Variants in DNER observed in about 807,000 individuals in gnomAD.
DNER encodes the protein delta/notch like EGF repeat containing, also known as delta and Notch-like epidermal growth factor-related receptor.
In DNER, 33 loss-of-function variants were observed where a neutral mutation model predicts 78.2. The observed-to-expected ratio is 0.42, with a 90% CI of 0.32 to 0.56. The LOEUF (loss-of-function observed/expected upper bound fraction) is 0.56, where lower values mean the gene tolerates loss of function less well. Among genes scored for constraint, DNER ranks in the 20% least tolerant of loss-of-function variants. The pLI is 0.11. For synonymous variants in DNER, 417 were observed against 384.8 expected (o/e 1.08, Z -0.98); for missense variants, 918 against 975.3 (o/e 0.94, Z 0.78).
chr2:229,625,269 AGGG>A (rs879859524), intron 1 of DNER, among the ~76,000 whole-genome samples: 2 of 152,106 alleles, frequency 1.3e-5, no homozygotes, highest in Non-Finnish European at 2.9e-5. Context: ...GGGGGCTGGG[AGGG>A]GTGGCAGGAG....
intron 1 of DNER, among the ~76,000 whole-genome samples, chr2:229,608,555 C>T (rs1315216272): frequency 6.6e-6 from 1 of 152,156 alleles, no homozygotes; most frequent in East Asian, 1.9e-4. Flanking sequence ...CTGAAAGCCA[C>T]AGACAAATCG....
At chr2:229,568,280 G>A (rs888198115) in intron 4 of DNER, among the ~76,000 whole-genome samples, 3 of 151,980 alleles carry the variant, frequency 2.0e-5, no homozygotes, top group African/African-American at 7.3e-5. Flanking sequence ...TGAACTCCTG[G>A]GCTTAAGCAA....
Position 229,481,998 on chromosome 2 carries a change from G to T in DNER, c.1148-4745C>A, listed in dbSNP as rs77486064. On this transcript the variant is annotated intron_variant, in intron 6 of 12. Coordinates refer to ENST00000341772, the MANE Select transcript of DNER (RefSeq NM_139072.4). ...AACCCATGTAAAGGCACACAAGAGTGCAGAAAATGTGTGAATGTCATTGAC... is the reference window on the plus strand; with the variant it reads ...AACCCATGTAAAGGCACACAAGAGTTCAGAAAATGTGTGAATGTCATTGAC... 5.6e-3 allele frequency among the ~76,000 whole-genome samples: 850 copies of T among 152,350 alleles called. 11 individuals carry two copies. Among genetic ancestry groups the T allele is most frequent in the African/African-American group, 0.02 (815 of 41,576 alleles).
At chr2:229,596,453 G>A (rs538474716) in intron 1 of DNER, among the ~76,000 whole-genome samples, 14 of 152,340 alleles carry the variant, frequency 9.2e-5, no homozygotes, top group African/African-American at 3.4e-4. Context: ...CTTGATGAGG[G>A]CAGGAAGAGT....
intron 1 of DNER, among the ~76,000 whole-genome samples, chr2:229,688,185 C>T (rs1001909036): frequency 6.6e-6 from 1 of 152,208 alleles, no homozygotes; most frequent in African/African-American, 2.4e-5. Flanking sequence ...CTGGTCCGCC[C>T]ACAGGGACAC....
chr2:229,554,383 C>T (rs1287009558), intron 4 of DNER, among the ~76,000 whole-genome samples: 1 of 152,144 alleles, frequency 6.6e-6, no homozygotes, highest in Non-Finnish European at 1.5e-5. Flanking sequence ...CATAGTGAAA[C>T]CTCGTCCCTA....
chr2:229,562,775 T>C (rs1018165155), intron 4 of DNER, among the ~76,000 whole-genome samples: 11 of 152,112 alleles, frequency 7.2e-5, no homozygotes, highest in Non-Finnish European at 1.5e-4. Context: ...ATCTATTTCC[T>C]GGGGTGGTTG....
intron 6 of DNER, among the ~76,000 whole-genome samples, chr2:229,496,438 G>A (rs138638859): frequency 8.4e-4 from 128 of 152,266 alleles, no homozygotes; most frequent in African/African-American, 2.9e-3. Context: ...CAAAAAGAGA[G>A]TAGTAAGTCC....
At chr2:229,535,411 G>A (rs537892372) in intron 5 of DNER, among the ~76,000 whole-genome samples, 14 of 152,274 alleles carry the variant, frequency 9.2e-5, no homozygotes, top group Admixed American at 3.3e-4. Flanking sequence ...CAGTGAGGGC[G>A]GTAATGTTTG....
chr2:229,362,325 G>C (rs1200018129), intron 12 of DNER, among the ~76,000 whole-genome samples: 2 of 152,178 alleles, frequency 1.3e-5, no homozygotes, highest in East Asian at 3.9e-4. Context: ...GGTCACACCT[G>C]GTGGGAGGTG....
intron 7 of DNER, among the ~76,000 whole-genome samples, chr2:229,451,098 A>G (rs937894459): frequency 1.3e-5 from 2 of 152,216 alleles, no homozygotes; most frequent in African/African-American, 4.8e-5. Context: ...AAAAAAATAC[A>G]TATCAAACTT....
At chr2:229,418,357 G>A in intron 8 of DNER, 127 bp from the exon 9 acceptor site, 1 of 1,299,106 alleles carries the variant, frequency 7.7e-7, no homozygotes, top group Non-Finnish European at 1.0e-6. Flanking sequence ...GGGATTTCAG[G>A]AGCTAGATCT....
At chr2:229,528,640 G>C (rs1376336856) in intron 5 of DNER, among the ~76,000 whole-genome samples, 1 of 152,144 alleles carries the variant, frequency 6.6e-6, no homozygotes, top group Non-Finnish European at 1.5e-5. Context: ...AGATGATTTT[G>C]TACAAATATG....
intron 10 of DNER, among the ~76,000 whole-genome samples, chr2:229,401,488 C>T (rs1693265693): frequency 6.6e-6 from 1 of 151,880 alleles, no homozygotes; most frequent in Non-Finnish European, 1.5e-5. Context: ...GAATACTGCT[C>T]AGCAATAAAA....
intron 8 of DNER, among the ~76,000 whole-genome samples, chr2:229,423,364 C>G (rs573600733): frequency 1.3e-5 from 2 of 152,220 alleles, no homozygotes; most frequent in East Asian, 3.9e-4. Context: ...CCTGTAATCC[C>G]AGCACTTTGG....
At chr2:229,423,112 G>C (rs760105992) in intron 8 of DNER, among the ~76,000 whole-genome samples, 1 of 152,078 alleles carries the variant, frequency 6.6e-6, no homozygotes, top group Non-Finnish European at 1.5e-5. Flanking sequence ...GCAATGATTG[G>C]AGGGTTCTAC....
chr2:229,426,928 T>A (rs1232309582), intron 8 of DNER, among the ~76,000 whole-genome samples: 1 of 152,168 alleles, frequency 6.6e-6, no homozygotes, highest in East Asian at 1.9e-4. Flanking sequence ...ATGCAGAGCA[T>A]TCGTTGGTGT....
intron 6 of DNER, among the ~76,000 whole-genome samples, chr2:229,501,634 G>A (rs556340121): frequency 6.6e-6 from 1 of 152,242 alleles, no homozygotes; most frequent in East Asian, 1.9e-4. Flanking sequence ...GTTCTCTGGT[G>A]ACAACAACAC....
chr2:229,515,639 A>ATTTTTTTTTTTTTTTTTTTT (rs1162899815), intron 5 of DNER, among the ~76,000 whole-genome samples: 1 of 71,538 alleles, frequency 1.4e-5, no homozygotes, highest in Non-Finnish European at 3.5e-5. Context: ...AGTTAGCTTT[A>ATTTTTTTTTTTTTTTTTTTT]TTTTTTTATT....
Sources: gnomAD v4.1 joint callset for allele counts (sites outside exome capture counted in the v4.1 genomes callset) on GRCh38, gnomAD v4.1.1 for gene constraint, MANE v1.5 for transcripts, NCBI Gene and HGNC (gene_info 2026-07-23, HGNC 2026-07-21) for gene names.